UBR4: variants seen among roughly 807,000 people sequenced by gnomAD.
UBR4 encodes the protein E3 ubiquitin-protein ligase UBR4.
UBR4 carries 124 observed loss-of-function variants against 575.6 expected under a neutral mutation model. That is an observed-to-expected ratio of 0.22 (90% CI 0.19 to 0.25). UBR4 has a LOEUF of 0.25. Ranked by LOEUF, UBR4 falls within the 10% of genes least tolerant of loss-of-function variation. UBR4 has a pLI of 1.00. For synonymous variants in UBR4, 2,455 were observed against 2,473.7 expected, an observed-to-expected ratio of 0.99 and a Z score of 0.22; for missense variants, 4,818 against 6,478.8, an observed-to-expected ratio of 0.74 and a Z score of 8.80.
At chr1:19,114,754 C>A in intron 75 of UBR4, 57 bp downstream of exon 75, 1 of 1,603,128 alleles carries the variant, frequency 6.2e-7, no homozygotes, top group Non-Finnish European at 8.5e-7. Flanking sequence ...TGCACCAGGT[C>A]TGCCCAAAGT....
At chr1:19,085,415 G>C (rs2076919219) in intron 101 of UBR4, among the ~76,000 whole-genome samples, 1 of 152,240 alleles carries the variant, frequency 6.6e-6, no homozygotes, top group African/African-American at 2.4e-5. Flanking sequence ...CCAGCTACTT[G>C]GGAGGCTGAG....
intron 32 of UBR4, 77 bp downstream of exon 32, chr1:19,164,722 C>A (rs185741897): frequency 2.1e-5 from 33 of 1,546,998 alleles, no homozygotes; most frequent in Middle Eastern, 1.7e-4. Context: ...GACTGGTGCC[C>A]GAAGGAAAGA....
In UBR4 at chr1:19,118,883, C is replaced by A. The variant is rs750389797; in HGVS notation, c.10530G>T (p.Ser3510=). The change falls in exon 71 of 106, where the codon TCG becomes TCT. Residue 3510 remains serine (S), a synonymous_variant. Transcript: ENST00000375254. ...AAAACAAAGCTCACTTATAAATGTT[C>A]GAGTTGGGGTGGTTGGTAAGAATAT... ...QNHILTNHPN[S]NIYNTLSGLV... 6.2e-7 allele frequency: 1 copy of A among 1,614,114 alleles called. No homozygotes were observed. The highest frequency in any genetic ancestry group is 1.7e-5 in the Admixed American group (1 of 60,014).
At chr1:19,194,987 A>G (rs954903097) in intron 8 of UBR4, among the ~76,000 whole-genome samples, 7 of 150,794 alleles carry the variant, frequency 4.6e-5, no homozygotes, top group East Asian at 4.0e-4. Flanking sequence ...CTGGCCAGGC[A>G]CGGTGGCTCA....
intron 17 of UBR4, among the ~76,000 whole-genome samples, chr1:19,180,190 T>A (rs1466311753): frequency 6.7e-6 from 1 of 149,758 alleles, no homozygotes; most frequent in Non-Finnish European, 1.5e-5. Flanking sequence ...TGTTCTTTAT[T>A]TATTTATTTT....
intron 94 of UBR4, among the ~76,000 whole-genome samples, chr1:19,094,594 C>T (rs1206673358): frequency 1.3e-5 from 2 of 152,184 alleles, no homozygotes; most frequent in African/African-American, 2.4e-5. Context: ...ATGAAGTGGG[C>T]TATTCAATTC....
intron 104 of UBR4, among the ~76,000 whole-genome samples, chr1:19,077,179 TC>T (rs1311716484): frequency 6.6e-6 from 1 of 152,148 alleles, no homozygotes; most frequent in East Asian, 1.9e-4. Context: ...CCATTCGCAT[TC>T]CCCAGAGCAA....
intron 92 of UBR4, chr1:19,095,879 T>A (rs1557552242): frequency 8.6e-6 from 4 of 465,882 alleles, no homozygotes; most frequent in Non-Finnish European, 1.2e-5. Flanking sequence ...CCATCTCTAA[T>A]ACAACGGCAA....
At chr1:19,085,652 A>C (rs2076941038) in intron 101 of UBR4, among the ~76,000 whole-genome samples, 2 of 152,172 alleles carry the variant, frequency 1.3e-5, no homozygotes, top group African/African-American at 4.8e-5. Flanking sequence ...CCACTCCACA[A>C]GGCATCAGCA....
At chr1:19,202,806 G>C (rs897789350) in intron 1 of UBR4, among the ~76,000 whole-genome samples, 12 of 152,214 alleles carry the variant, frequency 7.9e-5, no homozygotes, top group African/African-American at 2.9e-4. Flanking sequence ...ACGGTGGCTG[G>C]CCGGGTGTGG....
chr1:19,165,564 CT>C, intron 30 of UBR4, 91 bp downstream of exon 30: 8 of 1,354,350 alleles, frequency 5.9e-6, no homozygotes, highest in Non-Finnish European at 8.2e-6. Context: ...TTAAATATTG[CT>C]GATAATAAGT....
intron 91 of UBR4, 144 bp from the exon 92 acceptor site, chr1:19,096,794 G>T: frequency 1.6e-6 from 2 of 1,218,814 alleles, no homozygotes; most frequent in Non-Finnish European, 2.3e-6. Context: ...AATAAAAGGG[G>T]TCAATGATGG....
At chr1:19,203,409 G>A (rs1410410580) in intron 1 of UBR4, among the ~76,000 whole-genome samples, 1 of 151,870 alleles carries the variant, frequency 6.6e-6, no homozygotes, top group East Asian at 1.9e-4. Flanking sequence ...GCTGAGGCAC[G>A]AGAATTGCTT....
intron 87 of UBR4, among the ~76,000 whole-genome samples, chr1:19,102,061 C>T (rs1434387057): frequency 2.0e-5 from 3 of 152,190 alleles, no homozygotes; most frequent in Non-Finnish European, 4.4e-5. Context: ...ATTAGGTAGA[C>T]TGTCCTCTAT....
At chr1:19,081,710 A>T (rs1362148105) in intron 102 of UBR4, 137 bp from the exon 103 acceptor site, 1 of 936,784 alleles carries the variant, frequency 1.1e-6, no homozygotes, top group Non-Finnish European at 1.7e-6. Flanking sequence ...CTCCCCACCC[A>T]TCCTTGCCGA....
intron 78 of UBR4, among the ~76,000 whole-genome samples, chr1:19,111,392 C>T (rs1217974468): frequency 6.6e-6 from 1 of 152,188 alleles, no homozygotes; most frequent in Non-Finnish European, 1.5e-5. Flanking sequence ...AGCCTCCTCC[C>T]GAGTCTTCCC....
intron 87 of UBR4, among the ~76,000 whole-genome samples, chr1:19,102,442 G>C (rs1383686742): frequency 6.6e-5 from 10 of 152,124 alleles, no homozygotes; most frequent in Admixed American, 5.9e-4. Context: ...CCCTGACGAA[G>C]TCACAAACCA....
Position 19,156,971 on chromosome 1 carries a change from A to G in UBR4, c.5761-46T>C, listed in dbSNP as rs1214713839. On this transcript the variant is annotated intron_variant, in intron 40 of 105. Coordinates refer to ENST00000375254, the MANE Select transcript of UBR4 (RefSeq NM_020765.3). The stretch of plus-strand genomic sequence containing the variant: ...ATTTATTCCTACTCCTGGTCCTCTC[A>G]GAGAAGTCAAAGCAAGTAACAAAAA... 4 of 1,584,934 alleles carry G rather than the reference A, an allele frequency of 2.5e-6. No homozygotes were observed. In the East Asian group the frequency reaches 9.0e-5, roughly 36 times the overall value.
At chr1:19,165,602 G>T in intron 30 of UBR4, 54 bp downstream of exon 30, 1 of 1,551,398 alleles carries the variant, frequency 6.4e-7, no homozygotes. Context: ...ATAGCTCCTT[G>T]CTTTCAAGAG....
Sources: gnomAD v4.1 joint callset for allele counts (sites outside exome capture counted in the v4.1 genomes callset) on GRCh38, gnomAD v4.1.1 for gene constraint, MANE v1.5 for transcripts, NCBI Gene and HGNC (gene_info 2026-07-23, HGNC 2026-07-21) for gene names.